The following PXT1 variants were observed in gnomAD, a reference collection of about 807,000 sequenced individuals.
The protein encoded by PXT1 is peroxisomal testis enriched protein 1.
PXT1 carries 11 observed loss-of-function variants against 11.0 expected under a neutral mutation model. The observed-to-expected ratio is 1.00, with a 90% confidence interval of 0.63 to 1.66. The LOEUF (loss-of-function observed/expected upper bound fraction) is 1.66. PXT1 is among the 40% of genes most tolerant of loss of function. PXT1 has a pLI of 0.00. For missense variants in PXT1, 141 were observed against 155.5 expected (o/e 0.91, Z 0.49); for synonymous variants, 43 against 51.4 (o/e 0.84, Z 0.70).
intron 3 of PXT1, among the ~76,000 whole-genome samples, chr6:36,417,573 A>C (rs1774466626): frequency 1.5e-5 from 2 of 130,984 alleles, no homozygotes; most frequent in Non-Finnish European, 3.2e-5. Context: ...TGGGCAACAT[A>C]GTGAGACTTC....
intron 2 of PXT1, among the ~76,000 whole-genome samples, chr6:36,437,966 C>T (rs975774758): frequency 1.3e-5 from 2 of 151,546 alleles, no homozygotes; most frequent in Admixed American, 1.3e-4. Flanking sequence ...ATTACAGGAA[C>T]CTGCCACCAC....
intron 4 of PXT1, among the ~76,000 whole-genome samples, chr6:36,395,779 T>G (rs73408850): frequency 0.26 from 38,783 of 151,958 alleles, 5,004 homozygotes; most frequent in East Asian, 0.39. Context: ...GCAGGCAGAT[T>G]GCTTGAGCCC....
chr6:36,439,245 G>A (rs62402179), intron 1 of PXT1, among the ~76,000 whole-genome samples: 3,647 of 149,690 alleles, frequency 0.024, 48 homozygotes, highest in Non-Finnish European at 0.028. Flanking sequence ...TGATCCACCC[G>A]CCTTGGCCTC....
At chr6:36,436,049 G>T (rs1001865201) in intron 2 of PXT1, among the ~76,000 whole-genome samples, 3 of 141,714 alleles carry the variant, frequency 2.1e-5, no homozygotes, top group African/African-American at 7.8e-5. Context: ...GCTTAACAAT[G>T]ATTGGTTTTT....
intron 2 of PXT1, among the ~76,000 whole-genome samples, chr6:36,434,983 C>T (rs959246581): frequency 3.3e-5 from 5 of 151,548 alleles, no homozygotes; most frequent in African/African-American, 1.2e-4. Context: ...TTGAAAATCA[C>T]CCTTGAAGGT....
chr6:36,428,174 C>T (rs368838090), intron 2 of PXT1, among the ~76,000 whole-genome samples: 21 of 152,056 alleles, frequency 1.4e-4, no homozygotes, highest in African/African-American at 4.6e-4. Flanking sequence ...TGGCCGGGCG[C>T]GGTGGCTGAC....
At chr6:36,416,292 T>C (rs546104818) in intron 3 of PXT1, among the ~76,000 whole-genome samples, 1 of 152,258 alleles carries the variant, frequency 6.6e-6, no homozygotes, top group South Asian at 2.1e-4. Flanking sequence ...GCGGCTGCAG[T>C]GAGCTATGAT....
intron 2 of PXT1, among the ~76,000 whole-genome samples, chr6:36,432,100 T>C (rs1460594755): frequency 6.6e-6 from 1 of 152,056 alleles, no homozygotes; most frequent in Admixed American, 6.5e-5. Context: ...AAAAAGTATA[T>C]ACAGGTAGAT....
intron 1 of PXT1, among the ~76,000 whole-genome samples, chr6:36,439,854 T>A (rs1200843114): frequency 6.6e-6 from 1 of 152,116 alleles, no homozygotes; most frequent in Non-Finnish European, 1.5e-5. Context: ...CGTAACACAT[T>A]TCCACATTTC....
chr6:36,442,469 A>C (rs1242061821), intron 1 of PXT1, 66 bp downstream of exon 1: 1 of 152,218 alleles, frequency 6.6e-6, no homozygotes, highest in Non-Finnish European at 1.5e-5. Context: ...CTCATAACAC[A>C]GTTTTCCCAG....
chr6:36,419,990 G>C (rs1452362442), intron 3 of PXT1, among the ~76,000 whole-genome samples: 1 of 152,082 alleles, frequency 6.6e-6, no homozygotes, highest in Non-Finnish European at 1.5e-5. Context: ...TAAGTAGGTG[G>C]GTTTAGGGCT....
At chr6:36,399,357 G>A (rs112972841) in intron 4 of PXT1, among the ~76,000 whole-genome samples, 35 of 152,270 alleles carry the variant, frequency 2.3e-4, no homozygotes, top group African/African-American at 8.4e-4. Context: ...AGGTTGGCCA[G>A]GATGGTCACG....
chr6:36,434,821 G>A (rs900687264), intron 2 of PXT1, among the ~76,000 whole-genome samples: 1 of 152,162 alleles, frequency 6.6e-6, no homozygotes, highest in Non-Finnish European at 1.5e-5. Flanking sequence ...CTTTAGTTAA[G>A]TGGCAAAAGC....
intron 3 of PXT1, among the ~76,000 whole-genome samples, chr6:36,402,244 GA>G (rs1774225004): frequency 6.6e-6 from 1 of 152,158 alleles, no homozygotes; most frequent in Non-Finnish European, 1.5e-5. Context: ...AAGGTCTAAA[GA>G]ATACAGACAA....
intron 3 of PXT1, among the ~76,000 whole-genome samples, chr6:36,420,924 G>A (rs1223778433): frequency 2.0e-5 from 3 of 151,958 alleles, no homozygotes; most frequent in African/African-American, 7.3e-5. Flanking sequence ...GCATGGTGGT[G>A]TGCGCCTGTA....
Position 36,391,563 on chromosome 6 carries a change from T to C in PXT1, c.*207A>G, listed in dbSNP as rs1774066683. On this transcript the variant is annotated 3_prime_UTR_variant, in exon 5 of 5. Coordinates refer to ENST00000454782, the MANE Select transcript of PXT1 (RefSeq NM_152990.4). ...CTCCTTGGGCTTTACCGTGATGTGA[T>C]CGCAGACATCTCATAGCTAGCTCCT... 1.7e-6 allele frequency: 1 copy of C among 578,596 alleles called. No homozygotes were observed. The highest frequency in any genetic ancestry group is 1.9e-5 in the African/African-American group (1 of 53,322). 35.8% of individuals were successfully genotyped at this position (578,596 alleles called of 1,614,324 possible). A position where few individuals can be genotyped will look rare whatever the true frequency, so the allele number is the denominator to read the frequency against.
In PXT1 at chr6:36,407,916, C is replaced by T. The variant is rs115179614; in HGVS notation, c.170-7332G>A. The stretch of plus-strand genomic sequence containing the variant: ...AAATAGCTGGGACTTCAACATGTGT[C>T]GCTACCAAGCCCAGCTGGTTAATCC... On this transcript the variant is annotated intron_variant, in intron 3 of 4. Transcript: ENST00000454782. 8.2e-3 allele frequency among the ~76,000 whole-genome samples: 1,245 copies of T among 151,516 alleles called. 15 individuals carry two copies. Among genetic ancestry groups the T allele is most frequent in the African/African-American group, 0.029 (1,190 of 41,346 alleles).
At chr6:36,409,007 C>T (rs1469643626) in intron 3 of PXT1, among the ~76,000 whole-genome samples, 3 of 152,166 alleles carry the variant, frequency 2.0e-5, no homozygotes, top group Non-Finnish European at 4.4e-5. Flanking sequence ...TTTAGGAAAG[C>T]TTTTAAGCAA....
intron 2 of PXT1, among the ~76,000 whole-genome samples, chr6:36,428,269 C>A (rs1295581056): frequency 6.6e-6 from 1 of 152,014 alleles, no homozygotes; most frequent in Non-Finnish European, 1.5e-5. Context: ...CACGGTGAAA[C>A]CCTGTCTCTA....
Sources: allele counts gnomAD v4.1 joint callset (sites outside exome capture counted in the v4.1 genomes callset), GRCh38; gene constraint gnomAD v4.1.1; transcripts MANE v1.5; gene names NCBI Gene and HGNC (gene_info 2026-07-23, HGNC 2026-07-21).